Variants in CAMTA1 observed in about 807,000 individuals in gnomAD.
The protein encoded by CAMTA1 is calmodulin-binding transcription activator 1.
Under a neutral mutation model 170.9 loss-of-function variants are expected in CAMTA1, and 27 were observed. That is an observed-to-expected ratio of 0.16 (90% CI 0.12 to 0.22). The LOEUF is 0.22. Ranked by LOEUF, CAMTA1 falls within the 10% of genes least tolerant of loss-of-function variation. CAMTA1 has a pLI of 1.00. For synonymous variants in CAMTA1, 833 were observed against 891.5 expected (o/e 0.93, Z 1.17); for missense variants, 1,619 against 2,217.2 (o/e 0.73, Z 5.42).
At position 7,457,477 on chromosome 1, in the gene CAMTA1, G is replaced by T. The variant is rs559055610; in HGVS notation, c.439-10353G>T. 4.2e-4 allele frequency among the ~76,000 whole-genome samples: 64 copies of T among 152,168 alleles called. 2 individuals carry two copies. Among genetic ancestry groups the T allele is most frequent in the South Asian group, 1.7e-3 (8 of 4,822 alleles). On this transcript the variant is annotated intron_variant, in intron 5 of 22. Coordinates refer to ENST00000303635, the MANE Select transcript of CAMTA1 (RefSeq NM_015215.4). ...GTGCCAGCCTCCTAGGGGACTACTA[G>T]GTTAGGTCCCCTGCCCCTCAGTGTC...
intron 3 of CAMTA1, among the ~76,000 whole-genome samples, chr1:6,973,894 C>T (rs535801489): frequency 2.0e-5 from 3 of 152,300 alleles, no homozygotes; most frequent in South Asian, 2.1e-4. Context: ...TTCCCACAGC[C>T]GGGGAAGGGG....
intron 4 of CAMTA1, among the ~76,000 whole-genome samples, chr1:7,154,031 G>C (rs558909540): frequency 7.2e-5 from 11 of 152,286 alleles, no homozygotes; most frequent in African/African-American, 2.6e-4. Context: ...GGGGACAGTG[G>C]GATGGATGAG....
At chr1:7,303,521 G>A (rs76959176) in intron 5 of CAMTA1, among the ~76,000 whole-genome samples, 4,710 of 152,192 alleles carry the variant, frequency 0.031, 185 homozygotes, top group African/African-American at 0.094. Context: ...TTTTACCAGC[G>A]TAGGTGTTAT....
rs1692617735 is a variant in CAMTA1, at chr1:6,971,985, C to T, written c.235-119319C>T. 1.3e-5 allele frequency among the ~76,000 whole-genome samples: 2 copies of T among 152,194 alleles called. No homozygotes were observed. Among genetic ancestry groups the T allele is most frequent in the East Asian group, 1.9e-4 (1 of 5,186 alleles). On this transcript the variant is annotated intron_variant, in intron 3 of 22. Coordinates refer to ENST00000303635, the MANE Select transcript of CAMTA1 (RefSeq NM_015215.4). This position sits in a 1 kb window ranked among gnomAD's most constrained non-coding sequence, Gnocchi z 4.6. ...GACAGGCCGTGAGCAGGAGACTGAT[C>T]GTCTTGATGAGGTGTGCAGGGCAGG...
chr1:7,737,587 A>G lies in CAMTA1; in HGVS notation c.3658+17A>G. On this transcript the variant is annotated intron_variant, in intron 15 of 22. Transcript: ENST00000303635. The stretch of plus-strand genomic sequence containing the variant: ...CCAACCCAGGTAAGAATTCAGAATC[A>G]TGACATCTCAGAGCTTGACAGAGAT... 1 of 1,588,940 alleles carries G rather than the reference A, an allele frequency of 6.3e-7. No homozygotes were observed. The highest frequency in any genetic ancestry group is 8.6e-7 in the Non-Finnish European group (1 of 1,165,534).
At chr1:7,461,776 G>C (rs1024788292) in intron 5 of CAMTA1, among the ~76,000 whole-genome samples, 18 of 152,226 alleles carry the variant, frequency 1.2e-4, no homozygotes, top group African/African-American at 4.3e-4. Context: ...CCAACTAGAA[G>C]TTCTAGGGTC....
intron 3 of CAMTA1, chr1:7,008,813 C>G (rs1052845956): frequency 6.6e-6 from 1 of 152,158 alleles, no homozygotes; most frequent in African/African-American, 2.4e-5. Context: ...ATGGTGGAAT[C>G]CACAACCATC....
intron 4 of CAMTA1, among the ~76,000 whole-genome samples, chr1:7,095,841 C>A (rs184949267): frequency 6.6e-6 from 1 of 152,288 alleles, no homozygotes; most frequent in Non-Finnish European, 1.5e-5. Context: ...GGCAGGGAAC[C>A]GGGCTGAGCC....
chr1:7,601,386 G>A (rs1380390256), intron 6 of CAMTA1, among the ~76,000 whole-genome samples: 4 of 151,974 alleles, frequency 2.6e-5, no homozygotes, highest in South Asian at 2.1e-4. Flanking sequence ...GACGATGGGC[G>A]GCCTGGCAGA....
In CAMTA1 at chr1:6,888,134, C is replaced by T. The variant is rs577326898; in HGVS notation, c.234+62924C>T. ...TGAGAGCAGGGCCTTTGTCTTGTCC[C>T]CTTGTATCTTCAGTGCATAGGACAG... On this transcript the variant is annotated intron_variant, in intron 3 of 22. Coordinates refer to ENST00000303635, the MANE Select transcript of CAMTA1 (RefSeq NM_015215.4). 13 of 982,204 alleles carry T rather than the reference C, an allele frequency of 1.3e-5. No individual in the cohort carries two copies. In the East Asian group the frequency reaches 1.0e-3, roughly 79 times the overall value. The allele number at this position is 982,204 out of a possible 1,614,324, so 60.8% of individuals were successfully genotyped here. A position where few individuals can be genotyped will look rare whatever the true frequency, so the allele number is the denominator to read the frequency against.
intron 6 of CAMTA1, among the ~76,000 whole-genome samples, chr1:7,608,182 G>A (rs1274663248): frequency 2.0e-5 from 3 of 152,204 alleles, no homozygotes; most frequent in Non-Finnish European, 4.4e-5. Flanking sequence ...CCGCTCCTCT[G>A]ACTGAGCTCT....
At position 7,195,027 on chromosome 1, in the gene CAMTA1, G is replaced by A. The variant is rs1336633469; in HGVS notation, c.303-54464G>A. Among the ~76,000 whole-genome samples, 1 of 152,302 alleles carries A rather than the reference G, an allele frequency of 6.6e-6. No individual in the cohort carries two copies. Among genetic ancestry groups the A allele is most frequent in the South Asian group, 2.1e-4 (1 of 4,830 alleles). ...ACGTGGTAAATTGTCAAACTTCTCAGAGTAGGAAGATGTCTGCTGGCTAGG... is the reference window on the plus strand; with the variant it reads ...ACGTGGTAAATTGTCAAACTTCTCAAAGTAGGAAGATGTCTGCTGGCTAGG... On this transcript the variant is annotated intron_variant, in intron 4 of 22. Transcript: ENST00000303635. The surrounding 1 kb of genome is among the most constrained non-coding windows in gnomAD (Gnocchi z 4.1).
intron 22 of CAMTA1, among the ~76,000 whole-genome samples, chr1:7,762,581 C>A (rs1324992854): frequency 6.6e-6 from 1 of 152,166 alleles, no homozygotes; most frequent in Non-Finnish European, 1.5e-5. Flanking sequence ...ATAATCTACT[C>A]TCAAGTAACA....
intron 11 of CAMTA1, among the ~76,000 whole-genome samples, chr1:7,720,983 G>T (rs919808671): frequency 1.3e-5 from 2 of 152,162 alleles, no homozygotes; most frequent in Admixed American, 1.3e-4. Flanking sequence ...GGGAGCGGAG[G>T]CTGCTCAGGG....
intron 3 of CAMTA1, among the ~76,000 whole-genome samples, chr1:6,925,157 G>A (rs1222424308): frequency 6.6e-6 from 1 of 152,232 alleles, no homozygotes; most frequent in Non-Finnish European, 1.5e-5. Flanking sequence ...ATGGGGACTT[G>A]GAGAAGCCAT....
chr1:6,815,035 G>A (rs1207554933), intron 1 of CAMTA1, among the ~76,000 whole-genome samples: 1 of 152,066 alleles, frequency 6.6e-6, no homozygotes, highest in East Asian at 1.9e-4. Context: ...CTGCTTGATA[G>A]CCAGGTAGTT....
chr1:6,799,343 AC>A (rs573019544), intron 1 of CAMTA1, among the ~76,000 whole-genome samples: 106 of 152,336 alleles, frequency 7.0e-4, no homozygotes, highest in Admixed American at 2.0e-3. Context: ...TGCCAGGCTT[AC>A]AGGCATGAGC....
In CAMTA1 at chr1:7,635,863, T is replaced by A. The variant is rs1358721582; in HGVS notation, c.511-4537T>A. Among the ~76,000 whole-genome samples, 1 of 152,192 alleles carries A rather than the reference T, an allele frequency of 6.6e-6. No homozygotes were observed. Among genetic ancestry groups the A allele is most frequent in the Non-Finnish European group, 1.5e-5 (1 of 68,030 alleles). On this transcript the variant is annotated intron_variant, in intron 6 of 22. Transcript: ENST00000303635. This position sits in a 1 kb window ranked among gnomAD's most constrained non-coding sequence, Gnocchi z 4.4. ...CCCAATAAAATGTACAACTAATGAATAAAATTGCAACATTGCCAAGAAGCG... is the reference window on the plus strand; with the variant it reads ...CCCAATAAAATGTACAACTAATGAAAAAAATTGCAACATTGCCAAGAAGCG...
intron 6 of CAMTA1, among the ~76,000 whole-genome samples, chr1:7,474,406 A>G (rs1239801092): frequency 1.3e-5 from 2 of 150,400 alleles, no homozygotes; most frequent in Non-Finnish European, 3.0e-5. Flanking sequence ...AGCATGGAAT[A>G]CAGAGGCTGT....
Sources: allele counts gnomAD v4.1 joint callset (sites outside exome capture counted in the v4.1 genomes callset), GRCh38; gene constraint gnomAD v4.1.1; non-coding constraint Gnocchi (gnomAD v3.1); transcripts MANE v1.5; gene names NCBI Gene and HGNC (gene_info 2026-07-23, HGNC 2026-07-21).